The following PDZRN4 variants were observed in gnomAD, a reference collection of about 807,000 sequenced individuals.
PDZRN4 encodes PDZ domain-containing RING finger protein 4.
Under a neutral mutation model 99.0 loss-of-function variants are expected in PDZRN4, and 70 were observed. That is an observed-to-expected ratio of 0.71 (90% CI 0.58 to 0.86). PDZRN4 has a LOEUF of 0.86. Ranked by LOEUF, PDZRN4 falls within the 40% of genes least tolerant of loss-of-function variation. The pLI is 0.00. For synonymous variants in PDZRN4, 551 were observed against 501.6 expected (o/e 1.10, Z -1.32); for missense variants, 1,474 against 1,331.2 (o/e 1.11, Z -1.67).
At chr12:41,235,282 A>G (rs1951058415) in intron 3 of PDZRN4, among the ~76,000 whole-genome samples, 1 of 152,106 alleles carries the variant, frequency 6.6e-6, no homozygotes, top group South Asian at 2.1e-4. Flanking sequence ...TTATTGTGCC[A>G]TTGTGTTTCT....
At chr12:41,309,767 G>A (rs1426518818) in intron 3 of PDZRN4, among the ~76,000 whole-genome samples, 1 of 151,416 alleles carries the variant, frequency 6.6e-6, no homozygotes, top group East Asian at 1.9e-4. Flanking sequence ...ACTGAATAAC[G>A]GTAAAAAAAT....
chr12:41,339,581 G>A (rs1171899220), intron 3 of PDZRN4, among the ~76,000 whole-genome samples: 1 of 151,896 alleles, frequency 6.6e-6, no homozygotes, highest in Non-Finnish European at 1.5e-5. Context: ...GGACAAATGA[G>A]ACCATATCAA....
At chr12:41,321,635 G>T (rs1006118746) in intron 3 of PDZRN4, among the ~76,000 whole-genome samples, 4 of 151,990 alleles carry the variant, frequency 2.6e-5, no homozygotes, top group African/African-American at 9.7e-5. Context: ...CTACTCCTTT[G>T]CTTTGTTTGT....
chr12:41,196,813 T>A (rs1198049678), intron 3 of PDZRN4, among the ~76,000 whole-genome samples: 1 of 152,106 alleles, frequency 6.6e-6, no homozygotes, highest in Admixed American at 6.6e-5. Flanking sequence ...AAAACAGATT[T>A]TTAAAGTAAA....
At chr12:41,214,458 A>G in intron 3 of PDZRN4, among the ~76,000 whole-genome samples, 1 of 146,486 alleles carries the variant, frequency 6.8e-6, no homozygotes, top group East Asian at 2.0e-4. Context: ...AAAGTTATCT[A>G]TTTGGGACTG....
chr12:41,539,735 A>G (rs1296791848), intron 5 of PDZRN4, among the ~76,000 whole-genome samples: 2 of 152,178 alleles, frequency 1.3e-5, no homozygotes, highest in Admixed American at 1.3e-4. Context: ...TTAATAACAC[A>G]TGCTGGAAAA....
intron 6 of PDZRN4, among the ~76,000 whole-genome samples, chr12:41,554,570 TA>T (rs35731144): frequency 9.1e-4 from 130 of 143,488 alleles, no homozygotes; most frequent in Middle Eastern, 3.6e-3. Flanking sequence ...ACAGTTTGCT[TA>T]AAAAAAAAAA....
At chr12:41,416,319 T>A (rs1282657970) in intron 3 of PDZRN4, among the ~76,000 whole-genome samples, 1 of 152,088 alleles carries the variant, frequency 6.6e-6, no homozygotes, top group Non-Finnish European at 1.5e-5. Context: ...AACAAAAAAA[T>A]GGCGAAAGAA....
intron 3 of PDZRN4, among the ~76,000 whole-genome samples, chr12:41,312,952 A>G (rs1160928195): frequency 6.6e-6 from 1 of 152,180 alleles, no homozygotes; most frequent in Non-Finnish European, 1.5e-5. Context: ...TGTTATGCCC[A>G]GAAACTCTGA....
chr12:41,302,664 G>A (rs771521509), intron 3 of PDZRN4, among the ~76,000 whole-genome samples: 4 of 152,048 alleles, frequency 2.6e-5, no homozygotes, highest in African/African-American at 9.7e-5. Flanking sequence ...GTTTTGGGAA[G>A]TTTCTTTATA....
At chr12:41,201,165 A>G (rs1322480025) in intron 3 of PDZRN4, among the ~76,000 whole-genome samples, 3 of 26,530 alleles carry the variant, frequency 1.1e-4, no homozygotes, top group South Asian at 2.7e-3. Context: ...TCTTTGTGCA[A>G]TTAAAAAAAA....
In PDZRN4 at chr12:41,188,387, C is replaced by G; in HGVS notation, c.-69C>G. 7.1e-7 allele frequency: 1 copy of G among 1,401,728 alleles called. No individual in the cohort carries two copies. The highest frequency in any genetic ancestry group is 1.5e-5 in the South Asian group (1 of 67,748). 86.8% of individuals were successfully genotyped at this position (1,401,728 alleles called of 1,614,324 possible). ...CGAGACGGCTGCCCCGGGGGTGGCCCGGGGAAGGCAGGGGGGCTCGGAGAA... is the reference window on the plus strand; with the variant it reads ...CGAGACGGCTGCCCCGGGGGTGGCCGGGGGAAGGCAGGGGGGCTCGGAGAA... On this transcript the variant is annotated 5_prime_UTR_variant, in exon 1 of 10. Transcript: ENST00000402685.
At chr12:41,418,776 C>G (rs989904) in intron 3 of PDZRN4, among the ~76,000 whole-genome samples, 79,069 of 151,958 alleles carry the variant, frequency 0.52, 21,232 homozygotes, top group African/African-American at 0.67. Flanking sequence ...AGCACATTCA[C>G]CAGCAGCCAA....
At position 41,522,016 on chromosome 12, in the gene PDZRN4, CT is replaced by C. The variant is rs1343195371; in HGVS notation, c.1203+12109del. 3.9e-5 allele frequency among the ~76,000 whole-genome samples: 6 copies of C among 152,140 alleles called. No individual in the cohort carries two copies. In the East Asian group the frequency reaches 9.7e-4, roughly 25 times the overall value. On this transcript the variant is annotated intron_variant, in intron 5 of 9. Coordinates refer to ENST00000402685, the MANE Select transcript of PDZRN4 (RefSeq NM_001164595.2). ...GAGGATCCACTGACAGCTGTTGAGCCTTTTTTGCAGCCAGGAAGTTCATAAT... is the reference window on the plus strand; with the variant it reads ...GAGGATCCACTGACAGCTGTTGAGCCTTTTTGCAGCCAGGAAGTTCATAAT...
At chr12:41,360,286 C>T (rs561389391) in intron 3 of PDZRN4, among the ~76,000 whole-genome samples, 16 of 152,102 alleles carry the variant, frequency 1.1e-4, no homozygotes, top group Non-Finnish European at 2.1e-4. Flanking sequence ...AGAAATGTTA[C>T]TGATTTCTTT....
intron 3 of PDZRN4, among the ~76,000 whole-genome samples, chr12:41,210,541 C>T (rs1489806961): frequency 6.6e-6 from 1 of 151,976 alleles, no homozygotes; most frequent in Admixed American, 6.6e-5. Context: ...TAGATCTACT[C>T]TTCATTTGTA....
chr12:41,415,619 T>G (rs1314037148), intron 3 of PDZRN4, among the ~76,000 whole-genome samples: 2 of 152,092 alleles, frequency 1.3e-5, no homozygotes, highest in African/African-American at 2.4e-5. Context: ...GTATTGTAGT[T>G]AAGTATAGAA....
chr12:41,387,287 T>TA (rs997922298), intron 3 of PDZRN4, among the ~76,000 whole-genome samples: 1 of 151,822 alleles, frequency 6.6e-6, no homozygotes, highest in South Asian at 2.1e-4. Context: ...ACAACCCCAT[T>TA]AAAAAAAGTG....
chr12:41,227,876 T>TACACACACACACACACAC (rs138441771), intron 3 of PDZRN4, among the ~76,000 whole-genome samples: 11 of 94,144 alleles, frequency 1.2e-4, no homozygotes, highest in African/African-American at 3.7e-4. Flanking sequence ...AGCAAAAATC[T>TACACACACACACACACAC]ACACACACAC....
Sources: allele counts gnomAD v4.1 joint callset (sites outside exome capture counted in the v4.1 genomes callset), GRCh38; gene constraint gnomAD v4.1.1; transcripts MANE v1.5; gene names NCBI Gene and HGNC (gene_info 2026-07-23, HGNC 2026-07-21).